SYF2: variants seen among roughly 807,000 people sequenced by gnomAD.
The protein encoded by SYF2 is pre-mRNA-splicing factor SYF2.
SYF2 carries 21 observed loss-of-function variants against 32.7 expected under a neutral mutation model. The observed-to-expected ratio is 0.64, with a 90% CI of 0.45 to 0.92. The LOEUF is 0.92. SYF2 is among the 40% of genes least tolerant of loss of function. The pLI, the probability that SYF2 is intolerant of heterozygous loss-of-function variation, is 0.00. For missense variants in SYF2, 278 were observed against 296.5 expected (o/e 0.94, Z 0.46); for synonymous variants, 114 against 103.9 (o/e 1.10, Z -0.59).
rs377279749 is a variant in SYF2, at chr1:25,232,245, G to A, written c.25-34C>T. The stretch of plus-strand genomic sequence containing the variant: ...AGGAGAACTGGCTTCAGGCAGAGCC[G>A]GCTCAGCTTCTCCCAGGACTGCCCA... On this transcript the variant is annotated intron_variant, in intron 1 of 6. Coordinates refer to ENST00000236273, the MANE Select transcript of SYF2 (RefSeq NM_015484.5). The A allele has an allele frequency of 2.9e-5, 47 of 1,597,054 alleles. No homozygotes were observed. In the African/African-American group the frequency reaches 4.8e-4, roughly 16 times the overall value.
chr1:25,231,775 C>A (rs1638635610), intron 2 of SYF2: 1 of 402,196 alleles, frequency 2.5e-6, no homozygotes, highest in South Asian at 2.5e-5. Flanking sequence ...CTGTCTCTAG[C>A]TCTACATATT....
intron 2 of SYF2, among the ~76,000 whole-genome samples, chr1:25,230,097 C>T (rs1415231274): frequency 1.3e-5 from 2 of 152,160 alleles, no homozygotes; most frequent in Non-Finnish European, 2.9e-5. Flanking sequence ...GGATTACAGG[C>T]ATGTGCCACC....
rs749950951 is a variant in SYF2, at chr1:25,229,138, C to T, written c.133-15G>A. 2.3e-5 allele frequency: 37 copies of T among 1,607,554 alleles called. No individual in the cohort carries two copies. Among genetic ancestry groups the T allele is most frequent in the South Asian group, 1.6e-4 (14 of 89,604 alleles). Reference sequence around the variant, plus strand: ...CGAGCTTCATTCTAAAACCGTAACACAAGAAGTCTGTCAGCTAAAACATGA... The same window carrying T: ...CGAGCTTCATTCTAAAACCGTAACATAAGAAGTCTGTCAGCTAAAACATGA... On this transcript the variant is annotated splice_polypyrimidine_tract_variant and intron_variant, in intron 2 of 6. Transcript: ENST00000236273.
At chr1:25,229,378 T>C (rs935254265) in intron 2 of SYF2, among the ~76,000 whole-genome samples, 5 of 152,212 alleles carry the variant, frequency 3.3e-5, no homozygotes, top group African/African-American at 4.8e-5. Flanking sequence ...AAATCAGCTT[T>C]GCCTCTATTG....
rs1175398860 is a variant in SYF2, at chr1:25,232,083, C to G, written c.132+21G>C. ...GGCTTGGCCAGATGACGGATCTAAG[C>G]CGGCCTCCAAGACTACTCACCCGCA... On this transcript the variant is annotated intron_variant, in intron 2 of 6. Transcript: ENST00000236273. 5.6e-6 allele frequency: 9 copies of G among 1,609,630 alleles called. No homozygotes were observed. In the African/African-American group the frequency reaches 1.2e-4, roughly 21 times the overall value.
Position 25,223,180 on chromosome 1 carries a change from A to T in SYF2, c.*86T>A. 7.5e-7 allele frequency: 1 copy of T among 1,335,062 alleles called. No individual in the cohort carries two copies. Among genetic ancestry groups the T allele is most frequent in the Non-Finnish European group, 1.0e-6 (1 of 974,980 alleles). The allele number at this position is 1,335,062 out of a possible 1,614,324, so 82.7% of individuals were successfully genotyped here. A position where few individuals can be genotyped will look rare whatever the true frequency, so the allele number is the denominator to read the frequency against. Reference sequence around the variant, plus strand: ...GGCATGGACTACTAAATTCTGGATTACTGATAAAATTTCAAAAAGAACTTG... The same window carrying T: ...GGCATGGACTACTAAATTCTGGATTTCTGATAAAATTTCAAAAAGAACTTG... On this transcript the variant is annotated 3_prime_UTR_variant, in exon 7 of 7. Transcript: ENST00000236273.
At position 25,223,182 on chromosome 1, in the gene SYF2, T is replaced by C; in HGVS notation, c.*84A>G. ...CATGGACTACTAAATTCTGGATTAC[T>C]GATAAAATTTCAAAAAGAACTTGAT... On this transcript the variant is annotated 3_prime_UTR_variant, in exon 7 of 7. Coordinates refer to ENST00000236273, the MANE Select transcript of SYF2 (RefSeq NM_015484.5). 1 of 1,368,290 alleles carries C rather than the reference T, an allele frequency of 7.3e-7. No individual in the cohort carries two copies. The highest frequency in any genetic ancestry group is 2.2e-5 in the Admixed American group (1 of 44,616). 84.8% of individuals were successfully genotyped at this position (1,368,290 alleles called of 1,614,324 possible). A position where few individuals can be genotyped will look rare whatever the true frequency, so the allele number is the denominator to read the frequency against.
At chr1:25,226,152 AAAAAAT>A (rs953723131) in intron 5 of SYF2, among the ~76,000 whole-genome samples, 4 of 152,044 alleles carry the variant, frequency 2.6e-5, no homozygotes, top group East Asian at 3.8e-4. Context: ...TATCTCAAAA[AAAAAAT>A]AAAAATAAAA....
intron 6 of SYF2, among the ~76,000 whole-genome samples, chr1:25,223,966 G>C (rs766750434): frequency 3.3e-5 from 5 of 152,198 alleles, no homozygotes; most frequent in Non-Finnish European, 1.5e-5. Context: ...GGCCAAGGCA[G>C]GTAGATCACC....
At chr1:25,228,322 T>G (rs896898319) in intron 3 of SYF2, 87 bp from the exon 4 acceptor site, 69 of 1,135,142 alleles carry the variant, frequency 6.1e-5, no homozygotes, top group Non-Finnish European at 8.5e-5. Flanking sequence ...CCAATAAATA[T>G]CAACCAATAC....
In SYF2 at chr1:25,229,822, CT is replaced by C. The variant is rs912726470; in HGVS notation, c.133-700del. Reference sequence around the variant, plus strand: ...TCACATGATGTGAAAGACACTCTTTCTTTTTTTTTTTTGAGACAGAGTCTCA... The same window carrying C: ...TCACATGATGTGAAAGACACTCTTTCTTTTTTTTTTTGAGACAGAGTCTCA... On this transcript the variant is annotated intron_variant, in intron 2 of 6. Transcript: ENST00000236273. 7.3e-3 allele frequency among the ~76,000 whole-genome samples: 1,026 copies of C among 141,430 alleles called. 8 individuals are homozygous for C. The highest frequency in any genetic ancestry group is 0.02 in the African/African-American group (798 of 39,128). The allele number at this position is 141,430 out of a possible 152,430, so 92.8% of individuals were successfully genotyped here. A position where few individuals can be genotyped will look rare whatever the true frequency, so the allele number is the denominator to read the frequency against.
chr1:25,227,104 G>A (rs951954769), intron 5 of SYF2, among the ~76,000 whole-genome samples: 5 of 152,102 alleles, frequency 3.3e-5, no homozygotes, highest in Admixed American at 6.6e-5. Context: ...CCAACGTGGT[G>A]AAACCCCATC....
chr1:25,225,076 G>A lies in SYF2; in HGVS notation c.492C>T (p.Ser164=), dbSNP rs1049543135. 1 of 1,613,862 alleles carries A rather than the reference G, an allele frequency of 6.2e-7. No individual in the cohort carries two copies. The highest frequency in any genetic ancestry group is 1.3e-5 in the African/African-American group (1 of 74,996). ...CATGTGTTCCATGAAGAAGACTATT[G>A]GATGTTGGGAAAAACTCTTCTCCAC... ...EKHGEEFFPT[S]NSLLHGTHVP... Residue 164 remains serine (S), a synonymous_variant, in exon 6 of 7, where the codon TCC becomes TCT. Coordinates refer to ENST00000236273, the MANE Select transcript of SYF2 (RefSeq NM_015484.5).
rs1409215086 is a variant in SYF2, at chr1:25,229,059, G to A, written c.197C>T (p.Ala66Val). Residue 66 changes from alanine (A) to valine (V), a missense_variant, in exon 3 of 7, where the codon GCA becomes GTA. Physicochemically the swap from Ala to Val is moderately conservative, Grantham distance 64 (BLOSUM62 0). Transcript: ENST00000236273. ...ACGAGCTTTTTTGGCTTCCCAATTT[G>A]CAGGTAATTTTAGTCTTTTATCTTC... ...VEEDKRLKLP[A>V]NWEAKKARLE... is the part of the protein sequence containing the mutation. 3.1e-6 allele frequency: 5 copies of A among 1,613,854 alleles called. No individual in the cohort carries two copies. Among genetic ancestry groups the A allele is most frequent in the Non-Finnish European group, 3.4e-6 (4 of 1,179,920 alleles).
At chr1:25,228,949 C>G in intron 3 of SYF2, 49 bp downstream of exon 3, 2 of 1,591,110 alleles carry the variant, frequency 1.3e-6, no homozygotes, top group Non-Finnish European at 1.7e-6. Context: ...TGTCTTGATA[C>G]AACAGAATGA....
intron 5 of SYF2, 153 bp downstream of exon 5, chr1:25,227,289 A>G: frequency 3.0e-6 from 2 of 669,020 alleles, no homozygotes; most frequent in East Asian, 5.6e-5. Flanking sequence ...TCCATCTCAA[A>G]GGAAAAAAAT....
intron 4 of SYF2, 59 bp from the exon 5 acceptor site, chr1:25,227,591 G>T: frequency 7.5e-6 from 11 of 1,458,718 alleles, no homozygotes; most frequent in Non-Finnish European, 1.0e-5. Context: ...CCTTCCTATT[G>T]AGAGAAAAAT....
chr1:25,228,976 T>G (rs767401630), intron 3 of SYF2, 22 bp downstream of exon 3: 1 of 1,607,120 alleles, frequency 6.2e-7, no homozygotes, highest in Non-Finnish European at 8.5e-7. Flanking sequence ...AAATCACTTA[T>G]GAAGATAGAA....
chr1:25,227,595 G>T, intron 4 of SYF2, 63 bp from the exon 5 acceptor site: 2 of 1,432,792 alleles, frequency 1.4e-6, no homozygotes, highest in Non-Finnish European at 9.6e-7. Context: ...CCTATTGAGA[G>T]AAAAATCTAA....
Sources: allele counts gnomAD v4.1 joint callset (sites outside exome capture counted in the v4.1 genomes callset), GRCh38; gene constraint gnomAD v4.1.1; transcripts MANE v1.5; gene names NCBI Gene and HGNC (gene_info 2026-07-23, HGNC 2026-07-21).